The following MMP16 variants were observed in gnomAD, a reference collection of about 807,000 sequenced individuals.
MMP16 encodes the protein matrix metallopeptidase 16.
A neutral mutation model predicts 67.8 loss-of-function variants in MMP16; 12 were observed. The ratio of observed to expected loss-of-function variants is 0.18; its 90% CI spans 0.11 to 0.29. The LOEUF (loss-of-function observed/expected upper bound fraction) is 0.29. Ranked by LOEUF, MMP16 falls within the 10% of genes least tolerant of loss-of-function variation. The pLI is 1.00. For synonymous variants in MMP16, 249 were observed against 255.9 expected (o/e 0.97, Z 0.26); for missense variants, 475 against 765.7 (o/e 0.62, Z 4.48).
At chr8:88,216,311 A>G (rs1311923733) in intron 1 of MMP16, among the ~76,000 whole-genome samples, 1 of 152,204 alleles carries the variant, frequency 6.6e-6, no homozygotes, top group Non-Finnish European at 1.5e-5. Flanking sequence ...TAAATAACAA[A>G]GTTTTAATTT....
chr8:88,210,476 A>C (rs1809496368), intron 1 of MMP16, among the ~76,000 whole-genome samples: 1 of 152,158 alleles, frequency 6.6e-6, no homozygotes, highest in South Asian at 2.1e-4. Flanking sequence ...CAACTGTACA[A>C]ATCATATTTT....
chr8:88,176,548 A>G (rs1808893490), intron 3 of MMP16, among the ~76,000 whole-genome samples: 2 of 152,228 alleles, frequency 1.3e-5, no homozygotes, highest in South Asian at 2.1e-4. Context: ...GTAGCTGATT[A>G]TACATTTTAG....
At chr8:88,199,145 G>C (rs1586201143) in intron 1 of MMP16, among the ~76,000 whole-genome samples, 1 of 151,958 alleles carries the variant, frequency 6.6e-6, no homozygotes. Flanking sequence ...TTACTCATGG[G>C]TGCTAAGCTA....
intron 1 of MMP16, among the ~76,000 whole-genome samples, chr8:88,307,894 G>T (rs1811235368): frequency 6.6e-6 from 1 of 151,916 alleles, no homozygotes; most frequent in Non-Finnish European, 1.5e-5. Flanking sequence ...ATAAATAGAT[G>T]AAAGTCGCTT....
chr8:88,122,664 T>A (rs999635723), intron 4 of MMP16, among the ~76,000 whole-genome samples: 22 of 151,982 alleles, frequency 1.4e-4, no homozygotes, highest in African/African-American at 5.3e-4. Flanking sequence ...CTTCTCAACC[T>A]GCAGCCCTAT....
intron 1 of MMP16, among the ~76,000 whole-genome samples, chr8:88,220,282 ATTGTGTGTGT>A (rs1809660442): frequency 6.6e-6 from 1 of 152,082 alleles, no homozygotes; most frequent in Non-Finnish European, 1.5e-5. Context: ...GAATCCAAAC[ATTGTGTGTGT>A]TTTGTTATGA....
chr8:88,302,167 T>A (rs1345174166), intron 1 of MMP16, among the ~76,000 whole-genome samples: 1 of 152,134 alleles, frequency 6.6e-6, no homozygotes, highest in African/African-American at 2.4e-5. Flanking sequence ...AAAAAACAGA[T>A]CTACATTATA....
chr8:88,111,977 C>CT (rs2118413958), intron 6 of MMP16, among the ~76,000 whole-genome samples: 1 of 151,750 alleles, frequency 6.6e-6, no homozygotes, highest in South Asian at 2.1e-4. Context: ...TTTGGCTTGA[C>CT]TTTTTTTGGG....
chr8:88,254,576 C>T (rs1192309277), intron 1 of MMP16, among the ~76,000 whole-genome samples: 1 of 151,752 alleles, frequency 6.6e-6, no homozygotes, highest in Non-Finnish European at 1.5e-5. Flanking sequence ...AATGCATCCA[C>T]TAGTTTGTAT....
At chr8:88,194,745 A>G (rs1809223957) in intron 2 of MMP16, among the ~76,000 whole-genome samples, 1 of 152,092 alleles carries the variant, frequency 6.6e-6, no homozygotes, top group Non-Finnish European at 1.5e-5. Flanking sequence ...TCATCTAGAA[A>G]TAACTGCCAG....
rs1364773092 is a variant in MMP16, at chr8:88,218,638, T to TG, written c.133-21333dup. On this transcript the variant is annotated intron_variant, in intron 1 of 9. Coordinates refer to ENST00000286614, the MANE Select transcript of MMP16 (RefSeq NM_005941.5). ...TTTATCAATTATACCTTGATAAAAC[T>TG]GGAAAAAATGAAATAAACATTGGCA... Among the ~76,000 whole-genome samples the TG allele has an allele frequency of 4.6e-5, 7 of 151,992 alleles. No homozygotes were observed. In the East Asian group the frequency reaches 1.4e-3, roughly 29 times the overall value.
chr8:88,191,022 G>A (rs958963063), intron 2 of MMP16, among the ~76,000 whole-genome samples: 2 of 152,078 alleles, frequency 1.3e-5, no homozygotes, highest in African/African-American at 4.8e-5. Flanking sequence ...TAATGGCATG[G>A]CTTCAATTTT....
intron 4 of MMP16, among the ~76,000 whole-genome samples, chr8:88,144,232 A>G (rs1181196034): frequency 6.6e-6 from 1 of 152,016 alleles, no homozygotes; most frequent in Non-Finnish European, 1.5e-5. Flanking sequence ...CCAGAGCTAA[A>G]TGATGCCGTT....
At chr8:88,225,028 A>G (rs958837618) in intron 1 of MMP16, among the ~76,000 whole-genome samples, 9 of 151,978 alleles carry the variant, frequency 5.9e-5, no homozygotes, top group Non-Finnish European at 7.4e-5. Context: ...ATCCTGACTA[A>G]CACTTCAAAT....
Position 88,239,955 on chromosome 8 carries a change from T to C in MMP16, c.133-42649A>G, listed in dbSNP as rs528466047. On this transcript the variant is annotated intron_variant, in intron 1 of 9. Coordinates refer to ENST00000286614, the MANE Select transcript of MMP16 (RefSeq NM_005941.5). ...AATCACTTATCTTACAAAGTTAACT[T>C]AGATGACCTACATACATACCCTTTA... Among the ~76,000 whole-genome samples the C allele has an allele frequency of 3.3e-5, 5 of 152,328 alleles. No individual in the cohort carries two copies. In the South Asian group the frequency reaches 1.0e-3, roughly 32 times the overall value.
intron 4 of MMP16, among the ~76,000 whole-genome samples, chr8:88,149,387 T>A (rs1255149713): frequency 6.6e-6 from 1 of 152,152 alleles, no homozygotes; most frequent in African/African-American, 2.4e-5. Context: ...CCTGCCTCTG[T>A]AGGCTCCACC....
At chr8:88,162,594 C>T (rs1808647060) in intron 4 of MMP16, among the ~76,000 whole-genome samples, 1 of 152,056 alleles carries the variant, frequency 6.6e-6, no homozygotes, top group Non-Finnish European at 1.5e-5. Context: ...GTTGGTGGTA[C>T]TGACTGATAG....
intron 1 of MMP16, among the ~76,000 whole-genome samples, chr8:88,317,016 T>C (rs1811385045): frequency 6.6e-6 from 1 of 152,196 alleles, no homozygotes; most frequent in African/African-American, 2.4e-5. Flanking sequence ...CTTTAATGAA[T>C]GAGGAGGCTT....
chr8:88,122,062 A>G (rs1490183004), intron 4 of MMP16, among the ~76,000 whole-genome samples: 1 of 152,022 alleles, frequency 6.6e-6, no homozygotes, highest in Non-Finnish European at 1.5e-5. Flanking sequence ...CATTCCTTCA[A>G]GAGGTCATCA....
Sources: allele counts gnomAD v4.1 joint callset (sites outside exome capture counted in the v4.1 genomes callset), GRCh38; gene constraint gnomAD v4.1.1; transcripts MANE v1.5; gene names NCBI Gene and HGNC (gene_info 2026-07-23, HGNC 2026-07-21).